NFE2L2: variants seen among roughly 807,000 people sequenced by gnomAD.
The protein encoded by NFE2L2 is NFE2 like bZIP transcription factor 2, also known as nuclear factor erythroid 2-related factor 2.
In NFE2L2, 20 loss-of-function variants were observed where a neutral mutation model predicts 49.6. The observed-to-expected ratio is 0.40, with a 90% CI of 0.28 to 0.59. The LOEUF is 0.59. NFE2L2 is among the 20% of genes least tolerant of loss of function. The pLI is 0.40. For missense variants in NFE2L2, 578 were observed against 714.2 expected, an observed-to-expected ratio of 0.81 and a Z score of 2.17; for synonymous variants, 244 against 256.5, an observed-to-expected ratio of 0.95 and a Z score of 0.47.
At chr2:177,263,306 TA>T in intron 1 of NFE2L2, 2 of 933,176 alleles carry the variant, frequency 2.1e-6, no homozygotes, top group African/African-American at 1.8e-5. Flanking sequence ...AAAGGAAACA[TA>T]TATAAAGTAC....
At chr2:177,244,019 T>C (rs894606374) in intron 1 of NFE2L2, among the ~76,000 whole-genome samples, 2 of 151,568 alleles carry the variant, frequency 1.3e-5, no homozygotes, top group African/African-American at 4.8e-5. Flanking sequence ...AAAAGATCCT[T>C]GCTGGGTGCG....
intron 1 of NFE2L2, among the ~76,000 whole-genome samples, chr2:177,256,245 CTA>C (rs1690518450): frequency 6.6e-6 from 1 of 152,054 alleles, no homozygotes; most frequent in Non-Finnish European, 1.5e-5. Flanking sequence ...CAACAAAGAA[CTA>C]TAGTCATTCT....
chr2:177,250,983 T>C (rs1368924839), intron 1 of NFE2L2, among the ~76,000 whole-genome samples: 2 of 152,380 alleles, frequency 1.3e-5, no homozygotes, highest in African/African-American at 2.4e-5. Flanking sequence ...ATTAGTACTA[T>C]TAATAAATTC....
intron 1 of NFE2L2, among the ~76,000 whole-genome samples, chr2:177,244,117 G>C (rs1024678801): frequency 6.6e-6 from 1 of 151,660 alleles, no homozygotes; most frequent in East Asian, 1.9e-4. Flanking sequence ...TGGCTAACAC[G>C]GTGAAACCCC....
rs1364929986 is a variant in NFE2L2 at position 177,247,669 on chromosome 2, C to G, written c.46-13398G>C. Among the ~76,000 whole-genome samples, 10 of 148,012 alleles carry G rather than the reference C, an allele frequency of 6.8e-5. No homozygotes were observed. The East Asian group carries it at 2.0e-3, about 29-fold the overall frequency. On this transcript the variant is annotated intron_variant, in intron 1 of 4. Transcript: ENST00000397062. ...TCCAACCTGGGCAACAAGAGCAAAA[C>G]TCTGCCCCACCCCGCAAAAAAAAAA...
At chr2:177,260,154 A>T (rs1354793675) in intron 1 of NFE2L2, among the ~76,000 whole-genome samples, 1 of 152,208 alleles carries the variant, frequency 6.6e-6, no homozygotes. Flanking sequence ...TGATCAAAGA[A>T]TAAACTCTAT....
chr2:177,240,830 C>G (rs1689917383), intron 1 of NFE2L2, among the ~76,000 whole-genome samples: 1 of 152,158 alleles, frequency 6.6e-6, no homozygotes, highest in African/African-American at 2.4e-5. Flanking sequence ...ATCTATCATG[C>G]TTAGATGATC....
intron 1 of NFE2L2, among the ~76,000 whole-genome samples, chr2:177,257,643 G>A (rs937856961): frequency 1.1e-4 from 17 of 152,218 alleles, no homozygotes; most frequent in African/African-American, 4.1e-4. Flanking sequence ...CCCTAGGGCA[G>A]GGGTCCCCAC....
chr2:177,247,575 C>T (rs1177408677), intron 1 of NFE2L2, among the ~76,000 whole-genome samples: 1 of 151,522 alleles, frequency 6.6e-6, no homozygotes, highest in Non-Finnish European at 1.5e-5. Flanking sequence ...GCAAGAGAAT[C>T]GCTTGAACCC....
rs775813661 is a variant in NFE2L2, at chr2:177,234,104, G to A, written c.213C>T (p.Phe71=). ...TCTCTTCATCTAGTTGTAACTGAGC[G>A]AAAAAGGCTTTCTCTTGCTCCTTTT... ...QLQKEQEKAF[F]AQLQLDEETG... is the part of the protein sequence containing the mutation. Residue 71 remains phenylalanine, a synonymous_variant, in exon 2 of 5, where the codon TTC becomes TTT. Transcript: ENST00000397062. The A allele has an allele frequency of 2.2e-5, 35 of 1,613,982 alleles. No individual in the cohort carries two copies. Among genetic ancestry groups the A allele is most frequent in the Admixed American group, 3.3e-5 (2 of 60,002 alleles).
chr2:177,244,283 C>T (rs1690045428), intron 1 of NFE2L2, among the ~76,000 whole-genome samples: 1 of 148,638 alleles, frequency 6.7e-6, no homozygotes, highest in African/African-American at 2.5e-5. Context: ...GCCTGGGTGA[C>T]AAGAGCAAAA....
chr2:177,230,849 T>C lies in NFE2L2; in HGVS notation c.1754A>G (p.Gln585Arg), dbSNP rs367636699. ...PYSPSEYSLQQTRDGNVFLVP... is the reference protein window; with the variant it reads ...PYSPSEYSLQRTRDGNVFLVP... ...AAGGAAAACATTGCCATCTCTTGTT[T>C]GCTGCAGGGAGTATTCACTAGGAGA... is the stretch of plus-strand genomic sequence containing the variant. The change falls in exon 5 of 5, where the codon CAA (glutamine) becomes CGA (arginine). Residue 585 changes from glutamine (Q) to arginine (R), a missense_variant. Coordinates refer to ENST00000397062, the MANE Select transcript of NFE2L2 (RefSeq NM_006164.5). 6.2e-7 allele frequency: 1 copy of C among 1,600,746 alleles called. No homozygotes were observed. The highest frequency in any genetic ancestry group is 8.5e-7 in the Non-Finnish European group (1 of 1,176,626).
chr2:177,248,699 G>A (rs1690221951), intron 1 of NFE2L2, among the ~76,000 whole-genome samples: 2 of 152,132 alleles, frequency 1.3e-5, no homozygotes, highest in African/African-American at 4.8e-5. Flanking sequence ...ATGAGCCACC[G>A]CCTCTGGCCT....
chr2:177,237,791 T>C (rs1045941758), intron 1 of NFE2L2, among the ~76,000 whole-genome samples: 4 of 152,212 alleles, frequency 2.6e-5, no homozygotes, highest in African/African-American at 9.7e-5. Flanking sequence ...AGTGCTGGGA[T>C]TACAGGTGTG....
chr2:177,250,167 T>C lies in NFE2L2; in HGVS notation c.45+14365A>G, dbSNP rs1191891293. Among the ~76,000 whole-genome samples the C allele has an allele frequency of 2.6e-5, 4 of 152,348 alleles. No individual in the cohort carries two copies. In the East Asian group the frequency reaches 7.7e-4, roughly 29 times the overall value. ...GATGGCTAAATGGATCATTTTGATG[T>C]TATTCAACAATGTTATGGTGCAGAT... On this transcript the variant is annotated intron_variant, in intron 1 of 4. Coordinates refer to ENST00000397062, the MANE Select transcript of NFE2L2 (RefSeq NM_006164.5).
At chr2:177,254,787 T>C (rs11892777) in intron 1 of NFE2L2, among the ~76,000 whole-genome samples, 3,071 of 152,306 alleles carry the variant, frequency 0.02, 101 homozygotes, top group African/African-American at 0.066. Flanking sequence ...AAGCAGAGAA[T>C]AGGGATTATG....
At chr2:177,250,837 A>C (rs1417620871) in intron 1 of NFE2L2, among the ~76,000 whole-genome samples, 1 of 152,224 alleles carries the variant, frequency 6.6e-6, no homozygotes, top group East Asian at 1.9e-4. Flanking sequence ...CTAGCCACCG[A>C]ACCTCCCTGT....
chr2:177,250,137 C>T (rs1167805986), intron 1 of NFE2L2, among the ~76,000 whole-genome samples: 1 of 152,190 alleles, frequency 6.6e-6, no homozygotes, highest in Non-Finnish European at 1.5e-5. Context: ...ACTAGGAAGG[C>T]TCATGATGGC....
At chr2:177,249,535 C>T (rs1690258662) in intron 1 of NFE2L2, among the ~76,000 whole-genome samples, 1 of 152,156 alleles carries the variant, frequency 6.6e-6, no homozygotes, top group Non-Finnish European at 1.5e-5. Flanking sequence ...AGGCTACTTG[C>T]AGCTAAAGCA....
Sources: gnomAD v4.1 joint callset for allele counts (sites outside exome capture counted in the v4.1 genomes callset) on GRCh38, gnomAD v4.1.1 for gene constraint, MANE v1.5 for transcripts, NCBI Gene and HGNC (gene_info 2026-07-23, HGNC 2026-07-21) for gene names.